Variants in ERBIN observed in about 807,000 individuals in gnomAD.
ERBIN encodes erbb2 interacting protein.
Under a neutral mutation model 158.4 loss-of-function variants are expected in ERBIN, and 60 were observed. That is an observed-to-expected ratio of 0.38 (90% confidence interval 0.31 to 0.47). ERBIN has a LOEUF of 0.47. ERBIN is among the 20% of genes least tolerant of loss of function. ERBIN has a pLI of 0.99. For missense variants in ERBIN, 1,610 were observed against 1,648.0 expected, an observed-to-expected ratio of 0.98 and a Z score of 0.40; for synonymous variants, 594 against 557.2, an observed-to-expected ratio of 1.07 and a Z score of -0.93.
chr5:65,993,157 TAG>T (rs1173717399), intron 3 of ERBIN, among the ~76,000 whole-genome samples: 2 of 152,224 alleles, frequency 1.3e-5, no homozygotes, highest in African/African-American at 4.8e-5. Context: ...AGTTGTATTG[TAG>T]CCATTAAGGT....
intron 1 of ERBIN, among the ~76,000 whole-genome samples, chr5:65,958,291 C>T (rs191175249): frequency 0.017 from 2,619 of 152,104 alleles, 71 homozygotes; most frequent in African/African-American, 0.059. Context: ...GAGGTTGTCG[C>T]AAGCCGAGAT....
intron 21 of ERBIN, among the ~76,000 whole-genome samples, chr5:66,068,708 A>G (rs927750329): frequency 1.3e-5 from 2 of 152,224 alleles, no homozygotes; most frequent in African/African-American, 2.4e-5. Flanking sequence ...ATATGTTGTC[A>G]TATAAATACA....
chr5:65,981,163 T>C (rs1750615043), intron 1 of ERBIN, among the ~76,000 whole-genome samples: 2 of 152,178 alleles, frequency 1.3e-5, no homozygotes, highest in Non-Finnish European at 2.9e-5. Context: ...ATTTTGAAAT[T>C]AAGGAAGTCA....
chr5:66,029,773 T>C (rs1156410587), intron 14 of ERBIN, among the ~76,000 whole-genome samples: 1 of 152,022 alleles, frequency 6.6e-6, no homozygotes. Flanking sequence ...CCCAGCTAAT[T>C]TTTTTATTTT....
Position 66,038,441 on chromosome 5 carries a change from T to C in ERBIN, c.1265T>C (p.Leu422Pro). Residue 422 changes from leucine to proline, a missense_variant, in exon 15 of 26, where the codon CTT becomes CCT. By Grantham distance (98) the Leu-to-Pro change is moderately conservative (BLOSUM62 -3). This residue lies in a region of ERBIN where 596 missense variants were observed against 711.9 expected (regional missense o/e 0.84). Coordinates refer to ENST00000284037, the MANE Select transcript of ERBIN (RefSeq NM_001253697.2). ...GATTCAGAGACCCAGAAAATGGTGC[T>C]TACCAACTACATGTTCCCTCAACAG... Reference protein sequence around the residue: ...ETDSETQKMVLTNYMFPQQPR... With the variant: ...ETDSETQKMVPTNYMFPQQPR... 1 of 1,612,354 alleles carries C rather than the reference T, an allele frequency of 6.2e-7. No homozygotes were observed. Among genetic ancestry groups the C allele is most frequent in the Non-Finnish European group, 8.5e-7 (1 of 1,178,866 alleles).
At chr5:66,034,158 T>A (rs1275365066) in intron 14 of ERBIN, among the ~76,000 whole-genome samples, 1 of 150,272 alleles carries the variant, frequency 6.7e-6, no homozygotes, top group Admixed American at 6.6e-5. Flanking sequence ...GGATAATGGA[T>A]GGAAACTGAT....
rs143335855 is a variant in ERBIN at position 65,990,912 on chromosome 5, C to A, written c.-9-1798C>A. On this transcript the variant is annotated intron_variant, in intron 2 of 25. Transcript: ENST00000284037. ...AGTACCTGGGATTACAGGCACCCGC[C>A]ACCACGCCTGGCTAATTTTTTTGTA... 8.5e-3 allele frequency among the ~76,000 whole-genome samples: 1,296 copies of A among 152,022 alleles called. 17 individuals are homozygous for A. The highest frequency in any genetic ancestry group is 0.029 in the African/African-American group (1,215 of 41,474).
intron 1 of ERBIN, among the ~76,000 whole-genome samples, chr5:65,936,741 T>A (rs1561264651): frequency 6.6e-6 from 1 of 152,156 alleles, no homozygotes; most frequent in Non-Finnish European, 1.5e-5. Context: ...TCCCCAATTA[T>A]AAAAATAATC....
chr5:65,985,954 T>TTA (rs1751182753), intron 1 of ERBIN, among the ~76,000 whole-genome samples: 1 of 152,142 alleles, frequency 6.6e-6, no homozygotes, highest in South Asian at 2.1e-4. Context: ...CGCCTGGCGT[T>TTA]TAGAATATCA....
intron 1 of ERBIN, among the ~76,000 whole-genome samples, chr5:65,927,232 G>A (rs945666446): frequency 3.3e-5 from 5 of 152,052 alleles, no homozygotes; most frequent in Non-Finnish European, 7.4e-5. Context: ...TGGCTGCCGC[G>A]TTTGTTTATA....
In ERBIN at chr5:66,048,709, G is replaced by T; in HGVS notation, c.1831G>T (p.Glu611Ter). The change falls in exon 19 of 26, where the codon GAG (glutamate) becomes TAG (stop). Residue 611 changes from glutamate (E) to a stop codon, truncating the protein, a stop_gained. Coordinates refer to ENST00000284037, the MANE Select transcript of ERBIN (RefSeq NM_001253697.2). LOFTEE classifies it high-confidence loss of function. ...LSSDEEMKMA[E>*]MRPPLIETSI... ...TTCTGATGAAGAGATGAAAATGGCGGAGATGCGACCACCATTAATTGAAAC... is the reference window on the plus strand; with the variant it reads ...TTCTGATGAAGAGATGAAAATGGCGTAGATGCGACCACCATTAATTGAAAC... 1 of 1,608,822 alleles carries T rather than the reference G, an allele frequency of 6.2e-7. No individual in the cohort carries two copies. Among genetic ancestry groups the T allele is most frequent in the Non-Finnish European group, 8.5e-7 (1 of 1,177,510 alleles).
chr5:66,029,729 C>T (rs1487978022), intron 14 of ERBIN, among the ~76,000 whole-genome samples: 2 of 151,978 alleles, frequency 1.3e-5, no homozygotes, highest in African/African-American at 2.4e-5. Context: ...CTCAGCCTCC[C>T]GAGTAGCTGG....
At chr5:66,072,597 AAAACT>A (rs1761627115) in intron 22 of ERBIN, among the ~76,000 whole-genome samples, 1 of 152,214 alleles carries the variant, frequency 6.6e-6, no homozygotes, top group East Asian at 1.9e-4. Flanking sequence ...TCCTGATAGT[AAAACT>A]ATTTGGAGAA....
intron 1 of ERBIN, among the ~76,000 whole-genome samples, chr5:65,929,761 C>T (rs1054020916): frequency 5.3e-5 from 8 of 151,968 alleles, no homozygotes; most frequent in African/African-American, 1.9e-4. Flanking sequence ...CTGCTTCAGC[C>T]TCCCAAGTAG....
chr5:65,971,643 C>CTTTTATA (rs1411276417), intron 1 of ERBIN, among the ~76,000 whole-genome samples: 1 of 152,134 alleles, frequency 6.6e-6, no homozygotes, highest in African/African-American at 2.4e-5. Context: ...AACCATCACT[C>CTTTTATA]TTTTATATTT....
rs148343634 is a variant in ERBIN, at chr5:66,074,832, T to G, written c.3757-192T>G. ...GTAACAACAAGCACTCAGGAAACTT[T>G]AGAATTAAGACATTAATAGCTTATT... is the stretch of plus-strand genomic sequence containing the variant. On this transcript the variant is annotated intron_variant, in intron 22 of 25. Transcript: ENST00000284037. 5.3e-5 allele frequency among the ~76,000 whole-genome samples: 8 copies of G among 152,268 alleles called. No individual in the cohort carries two copies. In the South Asian group the frequency reaches 1.4e-3, roughly 28 times the overall value.
chr5:66,078,634 A>G lies in ERBIN; in HGVS notation c.*104A>G. 2 of 721,710 alleles carry G rather than the reference A, an allele frequency of 2.8e-6. No homozygotes were observed. The highest frequency in any genetic ancestry group is 3.6e-5 in the African/African-American group (2 of 55,322). The allele number at this position is 721,710 out of a possible 1,614,324, so 44.7% of individuals were successfully genotyped here. A position where few individuals can be genotyped will look rare whatever the true frequency, so the allele number is the denominator to read the frequency against. ...TTTTTATATATAAAGAAGAACTCAAAAAATTATGTTCAAATTTGTACATTA... is the reference window on the plus strand; with the variant it reads ...TTTTTATATATAAAGAAGAACTCAAGAAATTATGTTCAAATTTGTACATTA... On this transcript the variant is annotated 3_prime_UTR_variant, in exon 26 of 26. Coordinates refer to ENST00000284037, the MANE Select transcript of ERBIN (RefSeq NM_001253697.2).
intron 25 of ERBIN, among the ~76,000 whole-genome samples, chr5:66,077,625 G>C (rs1762109316): frequency 6.6e-6 from 1 of 151,966 alleles, no homozygotes; most frequent in Middle Eastern, 3.4e-3. Flanking sequence ...ATAATTTTAA[G>C]CTTAGAAAAA....
chr5:66,077,327 C>T (rs1762079496), intron 25 of ERBIN, among the ~76,000 whole-genome samples: 1 of 152,062 alleles, frequency 6.6e-6, no homozygotes, highest in Non-Finnish European at 1.5e-5. Context: ...CCTGTCCCCT[C>T]CTTTTCTTTG....
Sources: gnomAD v4.1 joint callset for allele counts (sites outside exome capture counted in the v4.1 genomes callset) on GRCh38, gnomAD v4.1.1 for gene constraint, gnomAD v4.1.1 regional missense constraint, MANE v1.5 for transcripts, NCBI Gene and HGNC (gene_info 2026-07-23, HGNC 2026-07-21) for gene names.